The following ZFAND6 variants were observed in gnomAD, a reference collection of about 807,000 sequenced individuals.
The protein encoded by ZFAND6 is zinc finger AN1-type containing 6.
ZFAND6 carries 12 observed loss-of-function variants against 24.5 expected under a neutral mutation model. The ratio of observed to expected loss-of-function variants is 0.49; its 90% CI spans 0.31 to 0.79. The LOEUF is 0.79. Ranked by LOEUF, ZFAND6 falls within the 30% of genes least tolerant of loss-of-function variation. ZFAND6 has a pLI of 0.04. For missense variants in ZFAND6, 207 were observed against 245.9 expected (o/e 0.84, Z 1.06); for synonymous variants, 92 against 81.5 (o/e 1.13, Z -0.69).
chr15:80,133,881 A>T (rs2040734097), intron 6 of ZFAND6, among the ~76,000 whole-genome samples: 2 of 152,170 alleles, frequency 1.3e-5, no homozygotes, highest in African/African-American at 2.4e-5. Context: ...GTACAACAGG[A>T]ACGCTTAAAC....
Position 80,122,719 on chromosome 15 carries a change from C to T in ZFAND6, c.283C>T (p.Leu95Phe). The T allele has an allele frequency of 6.2e-7, 1 of 1,613,488 alleles. No individual in the cohort carries two copies. Among genetic ancestry groups the T allele is most frequent in the South Asian group, 1.1e-5 (1 of 91,058 alleles). The change falls in exon 5 of 7, where the codon CTT (leucine) becomes TTT (phenylalanine). Residue 95 changes from leucine to phenylalanine, a missense_variant. Around this residue, in one of 3 missense-constraint regions of ZFAND6, gnomAD observed 133 missense variants for 122.8 expected, o/e 1.08. Transcript: ENST00000261749. ...MQPSPVSNQS[L>F]LSESVASSQL... ...TTCTAGCCCTGTATCAAATCAGTCACTTTTATCAGAATCTGTAGCATCTTC... is the reference window on the plus strand; with the variant it reads ...TTCTAGCCCTGTATCAAATCAGTCATTTTTATCAGAATCTGTAGCATCTTC...
chr15:80,129,332 A>G (rs1356748860), intron 5 of ZFAND6, among the ~76,000 whole-genome samples: 5 of 152,224 alleles, frequency 3.3e-5, no homozygotes, highest in African/African-American at 1.2e-4. Context: ...AACATGCTAT[A>G]GAGTTTGTCA....
intron 2 of ZFAND6, among the ~76,000 whole-genome samples, chr15:80,099,680 A>G (rs1410784818): frequency 7.2e-6 from 1 of 137,936 alleles, no homozygotes; most frequent in Non-Finnish European, 1.5e-5. Flanking sequence ...GCAGTGGCAC[A>G]ATTTCTGCTC....
chr15:80,095,943 CAT>C (rs1462793729), intron 1 of ZFAND6, among the ~76,000 whole-genome samples: 1 of 152,206 alleles, frequency 6.6e-6, no homozygotes, highest in East Asian at 1.9e-4. Context: ...TCACACTTAA[CAT>C]ATGGTATCCA....
chr15:80,122,603 A>G (rs2142019929), intron 4 of ZFAND6, 97 bp from the exon 5 acceptor site: 3 of 737,188 alleles, frequency 4.1e-6, no homozygotes, highest in East Asian at 5.0e-5. Context: ...TCTCATCTTA[A>G]TTATCTACTT....
chr15:80,103,056 TAA>T (rs1282353233), intron 2 of ZFAND6, among the ~76,000 whole-genome samples: 1 of 152,244 alleles, frequency 6.6e-6, no homozygotes, highest in African/African-American at 2.4e-5. Context: ...CATCCAGGTC[TAA>T]TCACCTTGTC....
intron 1 of ZFAND6, among the ~76,000 whole-genome samples, chr15:80,061,878 A>T (rs560016383): frequency 2.0e-4 from 31 of 152,194 alleles, no homozygotes; most frequent in Non-Finnish European, 2.8e-4. Flanking sequence ...TAGAAATAAG[A>T]TGAATGAAAA....
chr15:80,099,320 G>GT (rs1480932671), intron 2 of ZFAND6, among the ~76,000 whole-genome samples: 2 of 152,032 alleles, frequency 1.3e-5, no homozygotes, highest in Non-Finnish European at 2.9e-5. Flanking sequence ...TTAATTGGAT[G>GT]TTTTTTCTCT....
chr15:80,081,637 G>A (rs771723753), intron 1 of ZFAND6, among the ~76,000 whole-genome samples: 23 of 152,202 alleles, frequency 1.5e-4, no homozygotes, highest in Non-Finnish European at 2.5e-4. Flanking sequence ...TTGAACAGTT[G>A]GCCACCTATG....
intron 1 of ZFAND6, among the ~76,000 whole-genome samples, chr15:80,079,711 G>A (rs570708294): frequency 1.0e-3 from 152 of 145,788 alleles, no homozygotes; most frequent in Non-Finnish European, 1.8e-3. Context: ...GTGCAGTGGC[G>A]CAAACTTGGC....
chr15:80,130,160 G>A (rs2040534669), intron 5 of ZFAND6: 1 of 152,168 alleles, frequency 6.6e-6, no homozygotes, highest in Non-Finnish European at 1.5e-5. Context: ...ATTGTAGAGG[G>A]AACTCATGAG....
chr15:80,062,730 TG>T (rs1459642373), intron 1 of ZFAND6, among the ~76,000 whole-genome samples: 1 of 152,214 alleles, frequency 6.6e-6, no homozygotes, highest in Non-Finnish European at 1.5e-5. Context: ...AATGTGTATA[TG>T]GGGTTTTCCC....
intron 2 of ZFAND6, chr15:80,115,194 TC>T (rs2039815806): frequency 1.3e-5 from 2 of 152,200 alleles, no homozygotes; most frequent in Admixed American, 6.5e-5. Context: ...TAAAAAGAGT[TC>T]CTGGCACATA....
intron 1 of ZFAND6, among the ~76,000 whole-genome samples, chr15:80,078,023 T>C (rs1279927769): frequency 6.6e-6 from 1 of 152,182 alleles, no homozygotes; most frequent in Admixed American, 6.5e-5. Context: ...TGTGGCATTA[T>C]TTACTATCCA....
chr15:80,105,937 G>A (rs555564531), intron 2 of ZFAND6, among the ~76,000 whole-genome samples: 2 of 152,260 alleles, frequency 1.3e-5, no homozygotes, highest in Admixed American at 1.3e-4. Flanking sequence ...TTGTGGTTTT[G>A]ATACTTAACA....
rs2037552608 is a variant in ZFAND6 at position 80,079,970 on chromosome 15, TACACAACC to T, written c.-180-18445_-180-18438del. ...TGGCCCTTAGCTTTGAGAAACAGAA[TACACAACC>T]GTTTTTCTGTTTTTTTTCCCTTTCT... On this transcript the variant is annotated intron_variant, in intron 1 of 6. Transcript: ENST00000261749. Among the ~76,000 whole-genome samples, 12 of 151,532 alleles carry T rather than the reference TACACAACC, an allele frequency of 7.9e-5. No individual in the cohort carries two copies. The South Asian group carries it at 2.5e-3, about 32-fold the overall frequency.
intron 5 of ZFAND6, among the ~76,000 whole-genome samples, chr15:80,123,739 C>T (rs889997899): frequency 5.3e-5 from 8 of 152,074 alleles, no homozygotes; most frequent in Non-Finnish European, 8.8e-5. Context: ...CCAGGTGAGG[C>T]GGCACATACC....
intron 6 of ZFAND6, among the ~76,000 whole-genome samples, chr15:80,135,024 C>T (rs2040791965): frequency 6.6e-6 from 1 of 152,168 alleles, no homozygotes; most frequent in Non-Finnish European, 1.5e-5. Context: ...TAAAGTTACA[C>T]CAAGTATGCC....
intron 1 of ZFAND6, among the ~76,000 whole-genome samples, chr15:80,086,124 C>A (rs577807404): frequency 6.6e-6 from 1 of 152,124 alleles, no homozygotes; most frequent in Non-Finnish European, 1.5e-5. Context: ...CTGCAACCTC[C>A]GTCTGCCGGG....
Sources: allele counts gnomAD v4.1 joint callset (sites outside exome capture counted in the v4.1 genomes callset), GRCh38; gene constraint gnomAD v4.1.1; regional missense constraint gnomAD v4.1.1; transcripts MANE v1.5; gene names NCBI Gene and HGNC (gene_info 2026-07-23, HGNC 2026-07-21).